Variants in FBXO34 observed in about 807,000 individuals in gnomAD.
FBXO34 encodes the protein F-box only protein 34.
A neutral mutation model predicts 24.5 loss-of-function variants in FBXO34; 12 were observed. That is an observed-to-expected ratio of 0.49 (90% CI 0.31 to 0.79). The LOEUF is 0.79. Among genes scored for constraint, FBXO34 ranks in the 30% least tolerant of loss-of-function variants. The pLI is 0.04. For missense variants in FBXO34, 823 were observed against 857.7 expected, an observed-to-expected ratio of 0.96 and a Z score of 0.51; for synonymous variants, 320 against 311.9, an observed-to-expected ratio of 1.03 and a Z score of -0.27.
chr14:55,298,946 C>T, intron 1 of FBXO34: 1 of 1,583,402 alleles, frequency 6.3e-7, no homozygotes, highest in Non-Finnish European at 8.7e-7. Flanking sequence ...GCTCTGCAGC[C>T]AAGGCCAAGA....
At chr14:55,434,222 A>G in the FBXO34 span, among the ~76,000 whole-genome samples, 1 of 152,216 alleles carries the variant, frequency 6.6e-6, no homozygotes, top group Non-Finnish European at 1.5e-5. Context: ...AAGAGTCTGT[A>G]TGATAGGCAT....
At chr14:55,441,579 T>C in the FBXO34 span, among the ~76,000 whole-genome samples, 2 of 152,306 alleles carry the variant, frequency 1.3e-5, no homozygotes, top group African/African-American at 4.8e-5. Flanking sequence ...CTCCAGTCAC[T>C]GAGCGTTCCG....
At chr14:55,346,443 G>T (rs1052232810) in intron 1 of FBXO34, among the ~76,000 whole-genome samples, 1 of 152,224 alleles carries the variant, frequency 6.6e-6, no homozygotes, top group South Asian at 2.1e-4. Context: ...AGGTATACTT[G>T]AGGCTATCAT....
chr14:55,376,633 G>A, the FBXO34 span, among the ~76,000 whole-genome samples: 11 of 152,182 alleles, frequency 7.2e-5, no homozygotes, highest in Non-Finnish European at 1.5e-5. Context: ...GCTGCATGGG[G>A]GAAGCCAGGC....
chr14:55,433,185 G>C, the FBXO34 span, among the ~76,000 whole-genome samples: 1 of 152,096 alleles, frequency 6.6e-6, no homozygotes, highest in Non-Finnish European at 1.5e-5. Context: ...CTGGACTGCA[G>C]TGGTATGATC....
the FBXO34 span, among the ~76,000 whole-genome samples, chr14:55,407,197 T>G: frequency 1.3e-5 from 2 of 152,142 alleles, no homozygotes. Flanking sequence ...GGTGTGATCT[T>G]GGCTCACTGC....
chr14:55,410,961 G>A, the FBXO34 span, among the ~76,000 whole-genome samples: 2 of 152,120 alleles, frequency 1.3e-5, no homozygotes, highest in Non-Finnish European at 2.9e-5. Flanking sequence ...TTTTCCTAAA[G>A]GCAATTCTCT....
At chr14:55,291,861 G>A (rs918656450) in intron 1 of FBXO34, among the ~76,000 whole-genome samples, 9 of 152,094 alleles carry the variant, frequency 5.9e-5, no homozygotes, top group African/African-American at 2.2e-4. Context: ...CTATGTGGGG[G>A]TGGCTGAGAT....
At chr14:55,279,438 A>C (rs760648097) in intron 1 of FBXO34, among the ~76,000 whole-genome samples, 5 of 152,230 alleles carry the variant, frequency 3.3e-5, no homozygotes, top group Admixed American at 6.5e-5. Flanking sequence ...AAATGAACAG[A>C]TATTGCTAAT....
downstream of FBXO34, chr14:55,354,364 AG>A (rs1884488053): frequency 6.6e-6 from 1 of 152,178 alleles, no homozygotes; most frequent in African/African-American, 2.4e-5. Context: ...TTCATAATTT[AG>A]GTTTAAAGGA....
the FBXO34 span, among the ~76,000 whole-genome samples, chr14:55,376,933 G>T: frequency 1.3e-5 from 2 of 152,134 alleles, no homozygotes; most frequent in Non-Finnish European, 2.9e-5. Context: ...TCACACACCA[G>T]CCCTGGTTGG....
At chr14:55,331,529 G>A (rs1883531405) in intron 1 of FBXO34, among the ~76,000 whole-genome samples, 1 of 142,784 alleles carries the variant, frequency 7.0e-6, no homozygotes, top group Non-Finnish European at 1.5e-5. Flanking sequence ...TTAGAGTTTG[G>A]AAAACTAAAT....
At chr14:55,281,141 C>T (rs1311748596) in intron 1 of FBXO34, among the ~76,000 whole-genome samples, 1 of 151,448 alleles carries the variant, frequency 6.6e-6, no homozygotes, top group East Asian at 1.9e-4. Context: ...GTAGTCCTAG[C>T]TGCTTGGGAG....
At chr14:55,382,033 C>G in the FBXO34 span, 1 of 1,614,182 alleles carries the variant, frequency 6.2e-7, no homozygotes. Context: ...GTTAGGGAGG[C>G]TAATCCAAGG....
At chr14:55,280,979 A>G (rs376159145) in intron 1 of FBXO34, among the ~76,000 whole-genome samples, 2 of 152,160 alleles carry the variant, frequency 1.3e-5, no homozygotes, top group Admixed American at 1.3e-4. Flanking sequence ...GGAAAAAGAA[A>G]CAGGTGAAAA....
intron 1 of FBXO34, among the ~76,000 whole-genome samples, chr14:55,345,375 A>G (rs1335192788): frequency 1.3e-5 from 2 of 151,930 alleles, no homozygotes; most frequent in East Asian, 1.9e-4. Flanking sequence ...TTTATTTCCC[A>G]CCTACCTGAA....
downstream of FBXO34, among the ~76,000 whole-genome samples, chr14:55,372,223 TC>T (rs768858735): frequency 1.3e-5 from 2 of 152,112 alleles, no homozygotes; most frequent in Non-Finnish European, 2.9e-5. Context: ...CTACCTGTTA[TC>T]ATTAAATAAG....
At chr14:55,439,112 A>AT in the FBXO34 span, among the ~76,000 whole-genome samples, 9 of 151,486 alleles carry the variant, frequency 5.9e-5, no homozygotes, top group South Asian at 2.1e-4. Flanking sequence ...TAATTTTTGT[A>AT]TTTTTTAGCA....
intron 1 of FBXO34, among the ~76,000 whole-genome samples, chr14:55,328,562 T>C (rs187028455): frequency 6.6e-6 from 1 of 152,320 alleles, no homozygotes; most frequent in Non-Finnish European, 1.5e-5. Flanking sequence ...CTTCTACAAA[T>C]GGGGTGCAAT....
Sources: gnomAD v4.1 joint callset for allele counts (sites outside exome capture counted in the v4.1 genomes callset) on GRCh38, gnomAD v4.1.1 for gene constraint, MANE v1.5 for transcripts, NCBI Gene and HGNC (gene_info 2026-07-23, HGNC 2026-07-21) for gene names.